GRID1: variants seen among roughly 807,000 people sequenced by gnomAD.
GRID1 encodes glutamate ionotropic receptor delta type subunit 1.
In GRID1, 28 loss-of-function variants were observed where a neutral mutation model predicts 98.0. The ratio of observed to expected loss-of-function variants is 0.29; its 90% CI spans 0.21 to 0.39. The LOEUF (loss-of-function observed/expected upper bound fraction) is 0.39, where lower values mean the gene tolerates loss of function less well. GRID1 is among the 10% of genes least tolerant of loss of function. GRID1 has a pLI of 1.00. For synonymous variants in GRID1, 553 were observed against 538.5 expected (o/e 1.03, Z -0.37); for missense variants, 1,111 against 1,340.5 (o/e 0.83, Z 2.67).
chr10:85,895,018 T>C (rs11201825), intron 5 of GRID1, among the ~76,000 whole-genome samples: 1 of 105,894 alleles, frequency 9.4e-6, no homozygotes, highest in Non-Finnish European at 2.0e-5. Flanking sequence ...AAAAAAAAAA[T>C]ATATATATAT....
chr10:85,852,382 C>T (rs1340081377), intron 8 of GRID1, among the ~76,000 whole-genome samples: 2 of 152,144 alleles, frequency 1.3e-5, no homozygotes, highest in East Asian at 3.9e-4. Flanking sequence ...CGTGGAAGGT[C>T]CAGACACCTG....
At chr10:85,628,784 T>C (rs1564682073) in intron 13 of GRID1, among the ~76,000 whole-genome samples, 1 of 152,110 alleles carries the variant, frequency 6.6e-6, no homozygotes, top group African/African-American at 2.4e-5. Flanking sequence ...AAAAAGCTGC[T>C]TTCCTGAGGG....
chr10:85,902,397 T>G (rs1028144435), intron 5 of GRID1, among the ~76,000 whole-genome samples: 1 of 152,188 alleles, frequency 6.6e-6, no homozygotes, highest in Non-Finnish European at 1.5e-5. Context: ...TTTATGGAAT[T>G]TTCCACTTAA....
At chr10:86,201,954 CTGAT>C (rs781744563) in intron 3 of GRID1, among the ~76,000 whole-genome samples, 2 of 152,192 alleles carry the variant, frequency 1.3e-5, no homozygotes, top group Non-Finnish European at 2.9e-5. Context: ...ATTTTTCAAA[CTGAT>C]TGTGGGTTCA....
At chr10:85,954,789 A>C (rs1293887749) in intron 4 of GRID1, among the ~76,000 whole-genome samples, 1 of 152,236 alleles carries the variant, frequency 6.6e-6, no homozygotes, top group Non-Finnish European at 1.5e-5. Context: ...GTGTTGAAGT[A>C]GTGTGAACTC....
chr10:85,813,393 A>ATTGATTTC (rs1842689913), intron 8 of GRID1, among the ~76,000 whole-genome samples: 1 of 151,490 alleles, frequency 6.6e-6, no homozygotes, highest in Non-Finnish European at 1.5e-5. Flanking sequence ...TGGAATCACC[A>ATTGATTTC]TTGATTTCTC....
intron 8 of GRID1, among the ~76,000 whole-genome samples, chr10:85,843,755 C>A (rs1458039752): frequency 6.6e-6 from 1 of 151,954 alleles, no homozygotes; most frequent in Non-Finnish European, 1.5e-5. Context: ...TATCTCCATG[C>A]AATTATTAAA....
chr10:86,060,686 C>T (rs927134792), intron 4 of GRID1, among the ~76,000 whole-genome samples: 5 of 152,314 alleles, frequency 3.3e-5, no homozygotes, highest in African/African-American at 1.2e-4. Context: ...GAACAGTGCT[C>T]CTGAGTTTGT....
At chr10:86,337,712 T>G (rs1439198869) in intron 2 of GRID1, among the ~76,000 whole-genome samples, 1 of 138,696 alleles carries the variant, frequency 7.2e-6, no homozygotes, top group Non-Finnish European at 1.6e-5. Flanking sequence ...TTTTTTTTTT[T>G]TTTTTTTTTT....
chr10:86,040,013 C>T (rs1326963117), intron 4 of GRID1, among the ~76,000 whole-genome samples: 3 of 152,098 alleles, frequency 2.0e-5, no homozygotes, highest in Non-Finnish European at 4.4e-5. Flanking sequence ...GTCTTTTCTC[C>T]ACAGAACGGG....
intron 4 of GRID1, among the ~76,000 whole-genome samples, chr10:86,088,039 C>A (rs1266166699): frequency 6.6e-6 from 1 of 152,230 alleles, no homozygotes; most frequent in Non-Finnish European, 1.5e-5. Flanking sequence ...ACTGTTCCAG[C>A]CCCACAAACG....
intron 8 of GRID1, among the ~76,000 whole-genome samples, chr10:85,731,346 G>A (rs576207164): frequency 4.3e-4 from 65 of 151,474 alleles, no homozygotes; most frequent in Middle Eastern, 3.4e-3. Flanking sequence ...ACCACCCACC[G>A]CCACCACCAC....
At chr10:86,001,333 CA>C (rs56850339) in intron 4 of GRID1, among the ~76,000 whole-genome samples, 114,001 of 151,730 alleles carry the variant, frequency 0.75, 43,082 homozygotes, top group South Asian at 0.85. Context: ...AATAAGCAAA[CA>C]AAAAAAAATG....
At chr10:86,199,221 A>G (rs760875464) in intron 3 of GRID1, among the ~76,000 whole-genome samples, 9 of 152,110 alleles carry the variant, frequency 5.9e-5, no homozygotes, top group Non-Finnish European at 1.0e-4. Context: ...ACTTGTACAC[A>G]AAGCAACACC....
chr10:85,791,897 A>T (rs986207609), intron 8 of GRID1, among the ~76,000 whole-genome samples: 4 of 152,126 alleles, frequency 2.6e-5, no homozygotes, highest in Non-Finnish European at 4.4e-5. Context: ...GCTTTTGTGC[A>T]GGGGGCATAG....
chr10:85,741,515 G>A (rs2132673379), intron 8 of GRID1, among the ~76,000 whole-genome samples: 1 of 152,104 alleles, frequency 6.6e-6, no homozygotes, highest in African/African-American at 2.4e-5. Flanking sequence ...GAAGAACATA[G>A]GCACAGTAAA....
chr10:85,915,356 T>G (rs999827372), intron 5 of GRID1, among the ~76,000 whole-genome samples: 1 of 149,400 alleles, frequency 6.7e-6, no homozygotes, highest in South Asian at 2.1e-4. Context: ...GCACACACAC[T>G]CATACATACA....
At chr10:85,657,148 G>A (rs372148439) in intron 12 of GRID1, among the ~76,000 whole-genome samples, 2 of 152,064 alleles carry the variant, frequency 1.3e-5, no homozygotes, top group African/African-American at 2.4e-5. Flanking sequence ...TGTCTAGGTC[G>A]AATCAAATGT....
At chr10:85,769,705 C>T (rs200877249) in intron 8 of GRID1, among the ~76,000 whole-genome samples, 8 of 152,200 alleles carry the variant, frequency 5.3e-5, no homozygotes, top group Admixed American at 2.6e-4. Flanking sequence ...CCTACACCCA[C>T]GGAGTCTCGC....
Sources: allele counts gnomAD v4.1 joint callset (sites outside exome capture counted in the v4.1 genomes callset), GRCh38; gene constraint gnomAD v4.1.1; transcripts MANE v1.5; gene names NCBI Gene and HGNC (gene_info 2026-07-23, HGNC 2026-07-21).